SNCAIP: variants seen among roughly 807,000 people sequenced by gnomAD.
SNCAIP encodes the protein synuclein alpha interacting protein, also known as synphilin-1.
SNCAIP carries 43 observed loss-of-function variants against 86.7 expected under a neutral mutation model. That is an observed-to-expected ratio of 0.50 (90% CI 0.39 to 0.64). SNCAIP has a LOEUF of 0.64. Among genes scored for constraint, SNCAIP ranks in the 30% least tolerant of loss-of-function variants. SNCAIP has a pLI of 0.00. For missense variants in SNCAIP, 981 were observed against 1,103.1 expected, an observed-to-expected ratio of 0.89 and a Z score of 1.57; for synonymous variants, 417 against 427.2, an observed-to-expected ratio of 0.98 and a Z score of 0.29.
At position 122,432,066 on chromosome 5, in the gene SNCAIP, C is replaced by T; in HGVS notation, c.1280C>T (p.Ala427Val). 6.4e-7 allele frequency: 1 copy of T among 1,559,620 alleles called. No individual in the cohort carries two copies. Among genetic ancestry groups the T allele is most frequent in the Admixed American group, 1.7e-5 (1 of 59,798 alleles). Reference protein sequence around the residue: ...SKDFPSLIHYAGCYGQEKILL... With the variant: ...SKDFPSLIHYVGCYGQEKILL... ...GATTTTCCAAGCCTTATTCATTACG[C>T]AGGTTGCTATGGCCAGGTATGAAGG... Residue 427 changes from alanine (A) to valine (V), a missense_variant, in exon 6 of 11, where the codon GCA (alanine) becomes GTA (valine). By Grantham distance (64) the Ala-to-Val change is moderately conservative. Transcript: ENST00000261368.
intron 2 of SNCAIP, among the ~76,000 whole-genome samples, chr5:122,403,393 C>T (rs897026868): frequency 6.6e-6 from 1 of 152,112 alleles, no homozygotes; most frequent in Non-Finnish European, 1.5e-5. Context: ...CAGGTGCTCC[C>T]GTACTTGGCT....
intron 1 of SNCAIP, chr5:122,389,010 ACCTCACTACCAT>A (rs1768787767): frequency 6.6e-6 from 1 of 152,016 alleles, no homozygotes; most frequent in African/African-American, 2.4e-5. Context: ...AGAATAAAGA[ACCTCACTACCAT>A]CCTGCAAGTG....
intron 3 of SNCAIP, among the ~76,000 whole-genome samples, chr5:122,414,741 G>A (rs1774934549): frequency 6.6e-6 from 1 of 152,198 alleles, no homozygotes; most frequent in African/African-American, 2.4e-5. Flanking sequence ...CAATAAGGCA[G>A]TCCTCCAGTG....
At chr5:122,451,705 A>G (rs990890848) in intron 10 of SNCAIP, 104 bp downstream of exon 10, 2 of 465,660 alleles carry the variant, frequency 4.3e-6, no homozygotes, top group Non-Finnish European at 3.5e-6. Context: ...AATCCCCAGG[A>G]AAAAAAAAAA....
At chr5:122,332,945 T>C (rs1755692331) in intron 1 of SNCAIP, among the ~76,000 whole-genome samples, 1 of 152,216 alleles carries the variant, frequency 6.6e-6, no homozygotes. Flanking sequence ...AAATAGTATT[T>C]GGTGAACTGA....
At chr5:122,437,840 A>C (rs1779879258) in intron 6 of SNCAIP, among the ~76,000 whole-genome samples, 1 of 152,140 alleles carries the variant, frequency 6.6e-6, no homozygotes, top group Admixed American at 6.5e-5. Flanking sequence ...CCAGATTATC[A>C]AGCCCCTGAA....
At chr5:122,401,095 C>A (rs1223485553) in intron 2 of SNCAIP, 1 of 1,549,932 alleles carries the variant, frequency 6.5e-7, no homozygotes, top group Non-Finnish European at 8.7e-7. Context: ...GTAGTTGCTG[C>A]CCTGGGAGCT....
intron 2 of SNCAIP, among the ~76,000 whole-genome samples, chr5:122,401,898 A>G (rs1487274351): frequency 1.3e-5 from 2 of 152,200 alleles, no homozygotes; most frequent in African/African-American, 4.8e-5. Flanking sequence ...AGAGATTCTG[A>G]TATGTCTGAC....
intron 1 of SNCAIP, among the ~76,000 whole-genome samples, chr5:122,377,690 T>A (rs1485691521): frequency 1.4e-5 from 1 of 72,398 alleles, no homozygotes. Flanking sequence ...CCCTCCCCCC[T>A]CCCCCCACCC....
intron 1 of SNCAIP, among the ~76,000 whole-genome samples, chr5:122,385,670 C>A (rs973216178): frequency 2.1e-5 from 3 of 144,552 alleles, no homozygotes; most frequent in African/African-American, 7.8e-5. Context: ...CGTGTGCGCA[C>A]GTATGTGTGT....
Position 122,422,935 on chromosome 5 carries a change from C to A in SNCAIP, c.198C>A (p.Ile66=). The part of the protein sequence containing the change: ...LITNTQKPTG[I]ADVYSKFRPV... ...CAAACACGCAAAAGCCCACAGGAATCGCTGATGTGTACAGTAAGTTCCGCC... is the reference window on the plus strand; with the variant it reads ...CAAACACGCAAAAGCCCACAGGAATAGCTGATGTGTACAGTAAGTTCCGCC... The change falls in exon 4 of 11, where the codon ATC becomes ATA. Residue 66 remains isoleucine, a synonymous_variant. Coordinates refer to ENST00000261368, the MANE Select transcript of SNCAIP (RefSeq NM_005460.4). 2 of 1,614,046 alleles carry A rather than the reference C, an allele frequency of 1.2e-6. No homozygotes were observed. Among genetic ancestry groups the A allele is most frequent in the Non-Finnish European group, 1.7e-6 (2 of 1,179,906 alleles).
At chr5:122,326,284 C>G (rs1201339193) in intron 1 of SNCAIP, among the ~76,000 whole-genome samples, 4 of 152,180 alleles carry the variant, frequency 2.6e-5, no homozygotes, top group Non-Finnish European at 4.4e-5. Context: ...TACTCATACA[C>G]ATTTGTCTGA....
At chr5:122,352,516 A>G (rs866554642) in intron 1 of SNCAIP, among the ~76,000 whole-genome samples, 20 of 152,204 alleles carry the variant, frequency 1.3e-4, no homozygotes, top group Admixed American at 3.9e-4. Flanking sequence ...AGCCAAGAAA[A>G]AGACTCATCA....
intron 5 of SNCAIP, among the ~76,000 whole-genome samples, chr5:122,429,604 T>G (rs1187990943): frequency 6.7e-6 from 1 of 149,840 alleles, no homozygotes; most frequent in Non-Finnish European, 1.5e-5. Flanking sequence ...TTTCTTCTTT[T>G]AGCGGGAATG....
intron 1 of SNCAIP, among the ~76,000 whole-genome samples, chr5:122,345,282 C>G (rs927051099): frequency 6.6e-6 from 1 of 152,158 alleles, no homozygotes; most frequent in Non-Finnish European, 1.5e-5. Context: ...CTATTTAGCT[C>G]TTTCAAAGAA....
chr5:122,341,183 A>G (rs1384478092), intron 1 of SNCAIP, among the ~76,000 whole-genome samples: 1 of 152,222 alleles, frequency 6.6e-6, no homozygotes, highest in Non-Finnish European at 1.5e-5. Context: ...CTTTCTTAAA[A>G]TTGACAGGGC....
At chr5:122,356,632 G>T (rs867243160) in intron 1 of SNCAIP, among the ~76,000 whole-genome samples, 1 of 151,992 alleles carries the variant, frequency 6.6e-6, no homozygotes, top group Admixed American at 6.6e-5. Flanking sequence ...TTGGTTCCAG[G>T]GTCAGTCCCT....
At chr5:122,410,961 G>C (rs1397378423) in intron 3 of SNCAIP, among the ~76,000 whole-genome samples, 1 of 152,198 alleles carries the variant, frequency 6.6e-6, no homozygotes, top group Admixed American at 6.5e-5. Context: ...ACAGCAAACT[G>C]ATTTTCTACA....
chr5:122,363,221 C>T (rs1243779256), intron 1 of SNCAIP, among the ~76,000 whole-genome samples: 1 of 152,064 alleles, frequency 6.6e-6, no homozygotes, highest in East Asian at 1.9e-4. Context: ...GTCTCCAACT[C>T]CCAACCTCAG....
Sources: gnomAD v4.1 joint callset for allele counts (sites outside exome capture counted in the v4.1 genomes callset) on GRCh38, gnomAD v4.1.1 for gene constraint, MANE v1.5 for transcripts, NCBI Gene and HGNC (gene_info 2026-07-23, HGNC 2026-07-21) for gene names.